Variants in CLUH observed in about 807,000 individuals in gnomAD.
CLUH encodes CLUH binding protein of NUMT mRNA.
Under a neutral mutation model 139.3 loss-of-function variants are expected in CLUH, and 77 were observed. The ratio of observed to expected loss-of-function variants is 0.55; its 90% CI spans 0.46 to 0.67. The LOEUF is 0.67. CLUH is among the 30% of genes least tolerant of loss of function. CLUH has a pLI of 0.00. For missense variants in CLUH, 1,876 were observed against 1,875.8 expected (o/e 1.00, Z 0.00); for synonymous variants, 999 against 801.6 (o/e 1.25, Z -4.16).
At position 2,704,676 on chromosome 17, in the gene CLUH, G is replaced by A. The variant is rs1373402360; in HGVS notation, c.101-112C>T. ...TCTGGAAAGGCATCTGCATGCCCTC[G>A]AGAGTCCCAGCCTCACGGTCGCGCC... On this transcript the variant is annotated intron_variant, in intron 1 of 25. Coordinates refer to ENST00000651024, the MANE Select transcript of CLUH (RefSeq NM_001366661.1). The surrounding 1 kb of genome is among the most constrained non-coding windows in gnomAD (Gnocchi z 5.7). The A allele has an allele frequency of 4.6e-5, 48 of 1,037,952 alleles. No individual in the cohort carries two copies. The highest frequency in any genetic ancestry group is 6.6e-5 in the Non-Finnish European group (48 of 727,548). 64.3% of individuals were successfully genotyped at this position (1,037,952 alleles called of 1,614,324 possible). A position where few individuals can be genotyped will look rare whatever the true frequency, so the allele number is the denominator to read the frequency against.
Position 2,707,858 on chromosome 17 carries a change from C to A in CLUH, c.101-3294G>T, listed in dbSNP as rs1211300873. ...CCCTGCAGGTGACCTGGCTGCCAGC[C>A]CCTTCCTGGGAGTCACTGGTTCTGG... On this transcript the variant is annotated intron_variant, in intron 1 of 25. Coordinates refer to ENST00000651024, the MANE Select transcript of CLUH (RefSeq NM_001366661.1). The surrounding 1 kb of genome is among the most constrained non-coding windows in gnomAD (Gnocchi z 7.4). 4 of 985,356 alleles carry A rather than the reference C, an allele frequency of 4.1e-6. No homozygotes were observed. In the African/African-American group the frequency reaches 7.0e-5, roughly 17 times the overall value. The allele number at this position is 985,356 out of a possible 1,614,324, so 61.0% of individuals were successfully genotyped here. A position where few individuals can be genotyped will look rare whatever the true frequency, so the allele number is the denominator to read the frequency against.
rs967795221 is a variant in CLUH at position 2,690,465 on chromosome 17, G to A, written c.*129C>T. On this transcript the variant is annotated 3_prime_UTR_variant, in exon 26 of 26. Coordinates refer to ENST00000651024, the MANE Select transcript of CLUH (RefSeq NM_001366661.1). ...GGCCAGGCTCCCAGGAGGACACGGG[G>A]GTGGGGTGGGGTGAGACGTGGAGGA... 6 of 786,936 alleles carry A rather than the reference G, an allele frequency of 7.6e-6. No individual in the cohort carries two copies. The highest frequency in any genetic ancestry group is 7.3e-6 in the Non-Finnish European group (4 of 550,310). The allele number at this position is 786,936 out of a possible 1,614,324, so 48.7% of individuals were successfully genotyped here.
chr17:2,703,276 G>A lies in CLUH; in HGVS notation c.475+42C>T, dbSNP rs1312411230. Reference sequence around the variant, plus strand: ...GATGGTGCTGCCTGCCTCTGCCTCCGTGGGCCCTCCCCCGGGCAGGCTGTC... The same window carrying A: ...GATGGTGCTGCCTGCCTCTGCCTCCATGGGCCCTCCCCCGGGCAGGCTGTC... On this transcript the variant is annotated intron_variant, in intron 3 of 25. Transcript: ENST00000651024. This position sits in a 1 kb window ranked among gnomAD's most constrained non-coding sequence, Gnocchi z 4.2. The A allele has an allele frequency of 3.8e-6, 6 of 1,574,936 alleles. No homozygotes were observed. The highest frequency in any genetic ancestry group is 2.3e-5 in the East Asian group (1 of 42,750).
intron 13 of CLUH, 59 bp downstream of exon 13, chr17:2,696,100 A>C (rs2069930335): frequency 2.9e-6 from 4 of 1,363,942 alleles, no homozygotes; most frequent in Non-Finnish European, 4.1e-6. Flanking sequence ...AGTCGGAGAC[A>C]GATGAGGGAC....
At chr17:2,702,855 G>A (rs568923285) in intron 3 of CLUH, among the ~76,000 whole-genome samples, 3 of 150,116 alleles carry the variant, frequency 2.0e-5, no homozygotes, top group East Asian at 3.9e-4. Flanking sequence ...ACGGAGTTTC[G>A]TTCTTGTTGC....
rs1458094427 is a variant in CLUH, at chr17:2,690,051, G to T, written c.*543C>A. The T allele has an allele frequency of 1.3e-5, 2 of 149,094 alleles. No homozygotes were observed. The highest frequency in any genetic ancestry group is 2.5e-5 in the African/African-American group (1 of 40,650). The allele number at this position is 149,094 out of a possible 1,614,324, so 9.2% of individuals were successfully genotyped here. On this transcript the variant is annotated 3_prime_UTR_variant, in exon 26 of 26. Coordinates refer to ENST00000651024, the MANE Select transcript of CLUH (RefSeq NM_001366661.1). ...AAGTGCACCCCAGCCCTCCAGCCCCGCCACAGAGCTCCGGCTCCCCACCCC... is the reference window on the plus strand; with the variant it reads ...AAGTGCACCCCAGCCCTCCAGCCCCTCCACAGAGCTCCGGCTCCCCACCCC...
Position 2,696,025 on chromosome 17 carries a change from C to T in CLUH, c.2391+134G>A, listed in dbSNP as rs544770405. 36 of 717,146 alleles carry T rather than the reference C, an allele frequency of 5.0e-5. No homozygotes were observed. The African/African-American group carries it at 5.1e-4, about 10-fold the overall frequency. 44.4% of individuals were successfully genotyped at this position (717,146 alleles called of 1,614,324 possible). Reference sequence around the variant, plus strand: ...GGGGTCAGGCTCCCCATCTGTCAAACGGGGATGCCCACTCAGGGAAAGCTG... The same window carrying T: ...GGGGTCAGGCTCCCCATCTGTCAAATGGGGATGCCCACTCAGGGAAAGCTG... On this transcript the variant is annotated intron_variant, in intron 13 of 25. Transcript: ENST00000651024.
rs1359935327 is a variant in CLUH at position 2,701,167 on chromosome 17, T to C, written c.998A>G (p.Lys333Arg). Reference sequence around the variant, plus strand: ...TTTCTTCTGCAGCACAGCGAAGTTCTTCTTGAAGGTCGGGCTGATCTGGTT... The same window carrying C: ...TTTCTTCTGCAGCACAGCGAAGTTCCTCTTGAAGGTCGGGCTGATCTGGTT... ...LLNQISPTFK[K>R]NFAVLQKKRV... The change falls in exon 7 of 26, where the codon AAG (lysine) becomes AGG (arginine). Residue 333 changes from lysine to arginine, a missense_variant. Around this residue, in one of 3 missense-constraint regions of CLUH, gnomAD observed 270 missense variants for 354.7 expected, o/e 0.76. Transcript: ENST00000651024. 8 of 1,613,862 alleles carry C rather than the reference T, an allele frequency of 5.0e-6. No homozygotes were observed. Among genetic ancestry groups the C allele is most frequent in the Non-Finnish European group, 6.8e-6 (8 of 1,179,892 alleles).
rs2069827018 is a variant in CLUH, at chr17:2,694,035, G to A, written c.3096C>T (p.Phe1032=). 6.2e-7 allele frequency: 1 copy of A among 1,613,734 alleles called. No homozygotes were observed. The highest frequency in any genetic ancestry group is 1.7e-5 in the Admixed American group (1 of 59,998). The change falls in exon 19 of 26, where the codon TTC becomes TTT. Residue 1032 remains phenylalanine, a synonymous_variant. Coordinates refer to ENST00000651024, the MANE Select transcript of CLUH (RefSeq NM_001366661.1). ...QSGQAKVQQG[F]LKEGCELINE... The stretch of plus-strand genomic sequence containing the variant: ...TGATGAGCTCACAGCCCTCCTTCAG[G>A]AAGCCTGCAGGGCACCCCCAGGGGT...
At position 2,691,926 on chromosome 17, in the gene CLUH, CCCGT is replaced by C. The variant is rs1414549473; in HGVS notation, c.3655-35_3655-32del. The C allele has an allele frequency of 2.7e-5, 31 of 1,156,380 alleles. 1 individual carries two copies. The highest frequency in any genetic ancestry group is 6.3e-4 in the Middle Eastern group (2 of 3,198). The allele number at this position is 1,156,380 out of a possible 1,614,324, so 71.6% of individuals were successfully genotyped here. A position where few individuals can be genotyped will look rare whatever the true frequency, so the allele number is the denominator to read the frequency against. On this transcript the variant is annotated intron_variant, in intron 23 of 25. Transcript: ENST00000651024. Reference sequence around the variant, plus strand: ...GGGAGGCGGGAAGGGATCAGGCCCCCCCGTGCCCCCGCGGCCCCGCCCCCGCCCC... The same window carrying C: ...GGGAGGCGGGAAGGGATCAGGCCCCCGCCCCCGCGGCCCCGCCCCCGCCCC...
rs7223603 is a variant in CLUH at position 2,699,187 on chromosome 17, G to A, written c.1267-597C>T. ...TGCCAGGTGAACTTGAACAGATAAA[G>A]GTATTGACCTTTACAAGTTGTCCAA... On this transcript the variant is annotated intron_variant, in intron 9 of 25. Coordinates refer to ENST00000651024, the MANE Select transcript of CLUH (RefSeq NM_001366661.1). 8.7e-3 allele frequency among the ~76,000 whole-genome samples: 1,332 copies of A among 152,266 alleles called. 28 individuals carry two copies. The highest frequency in any genetic ancestry group is 0.03 in the African/African-American group (1,259 of 41,544).
At chr17:2,708,093 G>A (rs2070399893) in intron 1 of CLUH, 1 of 777,896 alleles carries the variant, frequency 1.3e-6, no homozygotes, top group Admixed American at 6.2e-5. Flanking sequence ...GTGCCCAGCT[G>A]GCCAGGGCGC....
chr17:2,694,822 T>TCCCACCCCCCCCCCCCCCCCCGCCC, intron 16 of CLUH, 35 bp downstream of exon 16: 1 of 1,346,336 alleles, frequency 7.4e-7, no homozygotes, highest in Non-Finnish European at 1.0e-6. Flanking sequence ...ATCTGCCCAA[T>TCCCACCCCCCCCCCCCCCCCCGCCC]CCCACCCACC....
rs1487334373 is a variant in CLUH at position 2,692,798 on chromosome 17, G to T, written c.3294C>A (p.Pro1098=). ...MSERVMGTEH[P]NTIQEYMHLA... is the part of the protein sequence containing the mutation. ...GACTCACGTATTCCTGGATGGTGTT[G>T]GGGTGCTCGGTGCCCATCACCCGCT... The change falls in exon 20 of 26, where the codon CCC becomes CCA. Residue 1098 remains proline, a synonymous_variant. Transcript: ENST00000651024. The T allele has an allele frequency of 6.2e-7, 1 of 1,604,556 alleles. No homozygotes were observed. The highest frequency in any genetic ancestry group is 1.3e-5 in the African/African-American group (1 of 74,682).
intron 15 of CLUH, 41 bp downstream of exon 15, chr17:2,695,177 C>G (rs774848105): frequency 3.1e-6 from 5 of 1,613,786 alleles, no homozygotes; most frequent in South Asian, 2.2e-5. Context: ...CCCACACCAC[C>G]CTGGGAGGCC....
At position 2,696,417 on chromosome 17, in the gene CLUH, C is replaced by T. The variant is rs762155186; in HGVS notation, c.2290+17G>A. 10 of 1,566,114 alleles carry T rather than the reference C, an allele frequency of 6.4e-6. No individual in the cohort carries two copies. The highest frequency in any genetic ancestry group is 2.3e-5 in the South Asian group (2 of 85,282). On this transcript the variant is annotated intron_variant, in intron 12 of 25. Coordinates refer to ENST00000651024, the MANE Select transcript of CLUH (RefSeq NM_001366661.1). ...GGCCCTGGAGGGCTCCTGCGCTGGC[C>T]GGCCCCCACCACCTGCCTGGTGAGA...
chr17:2,710,071 G>A (rs999016601), intron 1 of CLUH, among the ~76,000 whole-genome samples: 7 of 150,622 alleles, frequency 4.6e-5, no homozygotes, highest in African/African-American at 1.7e-4. Context: ...AAACCAACAC[G>A]CCTGTCCCAG....
Position 2,703,526 on chromosome 17 carries a change from GCACGTAGCGGGGAGAGAAGGCCC to G in CLUH, c.304-60_304-38del. On this transcript the variant is annotated intron_variant, in intron 2 of 25. Transcript: ENST00000651024. This position sits in a 1 kb window ranked among gnomAD's most constrained non-coding sequence, Gnocchi z 4.2. ...AGGCCCCGCCCACCCCGGTGAGAGA[GCACGTAGCGGGGAGAGAAGGCCC>G]CAACCGCCCCGGTGAGAGGCCACGT... 6.3e-7 allele frequency: 1 copy of G among 1,598,624 alleles called. No homozygotes were observed. The highest frequency in any genetic ancestry group is 8.5e-7 in the Non-Finnish European group (1 of 1,170,490).
rs771449168 is a variant in CLUH at position 2,691,978 on chromosome 17, G to GCCCCCGCCCCGC, written c.3654+25_3654+26insGCGGGGCGGGGG. The stretch of plus-strand genomic sequence containing the variant: ...CCCGCCACGCCCCCGCCCCGCCCCC[G>GCCCCCGCCCCGC]CCCCCGCCACGCCCCCGCCGCGCAC... On this transcript the variant is annotated intron_variant, in intron 23 of 25. Transcript: ENST00000651024. 3.4e-4 allele frequency: 165 copies of GCCCCCGCCCCGC among 489,720 alleles called. 2 individuals carry two copies. In the African/African-American group the frequency reaches 0.011, roughly 33 times the overall value. 30.3% of individuals were successfully genotyped at this position (489,720 alleles called of 1,614,324 possible).
Sources: gnomAD v4.1 joint callset for allele counts (sites outside exome capture counted in the v4.1 genomes callset) on GRCh38, gnomAD v4.1.1 for gene constraint, gnomAD v4.1.1 regional missense constraint, Gnocchi (gnomAD v3.1) non-coding constraint, MANE v1.5 for transcripts, NCBI Gene and HGNC (gene_info 2026-07-23, HGNC 2026-07-21) for gene names.